The following MAGI2 variants were observed in gnomAD, a reference collection of about 807,000 sequenced individuals.
MAGI2 encodes membrane-associated guanylate kinase, WW and PDZ domain-containing protein 2.
A neutral mutation model predicts 133.3 loss-of-function variants in MAGI2; 35 were observed. The ratio of observed to expected loss-of-function variants is 0.26; its 90% CI spans 0.20 to 0.35. The LOEUF (loss-of-function observed/expected upper bound fraction) is 0.35, where lower values mean the gene tolerates loss of function less well. MAGI2 is among the 10% of genes least tolerant of loss of function. The pLI is 1.00. For synonymous variants in MAGI2, 729 were observed against 710.6 expected (o/e 1.03, Z -0.41); for missense variants, 1,636 against 1,863.4 (o/e 0.88, Z 2.25).
chr7:78,019,120 A>T lies in MAGI2; in HGVS notation c.*195T>A. On this transcript the variant is annotated 3_prime_UTR_variant, in exon 22 of 22. Transcript: ENST00000354212. ...CCACAAGGGAACCGGGGGCTTTAGG[A>T]TCAGTTTAGGTCTGCGCGTTGATGC... 1 of 532,006 alleles carries T rather than the reference A, an allele frequency of 1.9e-6. No homozygotes were observed. Among genetic ancestry groups the T allele is most frequent in the Non-Finnish European group, 3.2e-6 (1 of 316,380 alleles). 33.0% of individuals were successfully genotyped at this position (532,006 alleles called of 1,614,324 possible).
intron 2 of MAGI2, among the ~76,000 whole-genome samples, chr7:78,853,332 CTTTTTTTTTTTTTTTTTTTTT>C (rs60580466): frequency 0.01 from 259 of 25,064 alleles, 3 homozygotes; most frequent in Middle Eastern, 0.056. Flanking sequence ...TCCATTCGTT[CTTTTTTTTTTTTTTTTTTTTT>C]TTTTTTTTTT....
intron 1 of MAGI2, among the ~76,000 whole-genome samples, chr7:79,422,479 G>GA (rs1030157781): frequency 3.3e-5 from 5 of 151,694 alleles, no homozygotes; most frequent in African/African-American, 4.8e-5. Context: ...CAATATATCA[G>GA]AAAAAAATGT....
intron 1 of MAGI2, among the ~76,000 whole-genome samples, chr7:79,036,978 G>T (rs973744015): frequency 6.6e-6 from 1 of 152,146 alleles, no homozygotes; most frequent in Non-Finnish European, 1.5e-5. Context: ...TTCATGTAGG[G>T]TTTCACTGTC....
chr7:79,396,655 T>C (rs1845078458), intron 1 of MAGI2, among the ~76,000 whole-genome samples: 1 of 152,038 alleles, frequency 6.6e-6, no homozygotes, highest in African/African-American at 2.4e-5. Context: ...GTTTGCAGAG[T>C]GTGTGCTACC....
intron 9 of MAGI2, among the ~76,000 whole-genome samples, chr7:78,324,818 T>C (rs1340849993): frequency 1.2e-4 from 18 of 151,976 alleles, no homozygotes; most frequent in Non-Finnish European, 1.5e-5. Flanking sequence ...AACAAAAAAC[T>C]AGCTGGGCAT....
intron 1 of MAGI2, chr7:79,412,625 C>G (rs2129172389): frequency 6.6e-6 from 1 of 152,226 alleles, no homozygotes; most frequent in South Asian, 2.1e-4. Context: ...GAGGGCTGAT[C>G]CTGAACAAGG....
chr7:79,427,707 A>C (rs987436626), intron 1 of MAGI2, among the ~76,000 whole-genome samples: 4 of 152,180 alleles, frequency 2.6e-5, no homozygotes, highest in African/African-American at 9.7e-5. Flanking sequence ...TTATTATAGC[A>C]AATTCTTAAT....
At chr7:78,644,492 C>G (rs767554273) in intron 2 of MAGI2, among the ~76,000 whole-genome samples, 6 of 151,748 alleles carry the variant, frequency 4.0e-5, no homozygotes, top group Non-Finnish European at 5.9e-5. Context: ...ATTTAGAAAC[C>G]AATAACAGAA....
At chr7:78,524,534 G>A (rs895132708) in intron 3 of MAGI2, among the ~76,000 whole-genome samples, 7 of 152,082 alleles carry the variant, frequency 4.6e-5, no homozygotes, top group African/African-American at 1.7e-4. Flanking sequence ...AAATTAAGTT[G>A]TAAAGTGGTT....
chr7:79,449,957 T>C lies in MAGI2; in HGVS notation c.301+3063A>G, dbSNP rs370699884. 8.1e-5 allele frequency among the ~76,000 whole-genome samples: 12 copies of C among 148,662 alleles called. No homozygotes were observed. The East Asian group carries it at 2.0e-3, about 25-fold the overall frequency. ...CACCTCCTTTTAAAATTATGACAGA[T>C]GAAAATTATGATAACTGTAATGTAA... On this transcript the variant is annotated intron_variant, in intron 1 of 21. Coordinates refer to ENST00000354212, the MANE Select transcript of MAGI2 (RefSeq NM_012301.4).
chr7:78,641,173 C>T (rs564615078), intron 2 of MAGI2, among the ~76,000 whole-genome samples: 6 of 152,140 alleles, frequency 3.9e-5, no homozygotes, highest in South Asian at 2.1e-4. Flanking sequence ...GTCAATTAAA[C>T]CTCTTTTCTT....
chr7:79,120,979 A>T (rs1415946726), intron 1 of MAGI2, among the ~76,000 whole-genome samples: 1 of 152,126 alleles, frequency 6.6e-6, no homozygotes, highest in Non-Finnish European at 1.5e-5. Flanking sequence ...GGATACTGAA[A>T]TATGTTAGTT....
intron 14 of MAGI2, among the ~76,000 whole-genome samples, chr7:78,168,586 T>A (rs73148208): frequency 0.038 from 5,856 of 152,326 alleles, 162 homozygotes; most frequent in Non-Finnish European, 0.059. Flanking sequence ...ACAATTTGTG[T>A]GGTCTTGGGT....
At chr7:79,312,947 C>T (rs1838409357) in intron 1 of MAGI2, among the ~76,000 whole-genome samples, 1 of 152,102 alleles carries the variant, frequency 6.6e-6, no homozygotes, top group South Asian at 2.1e-4. Context: ...ACTATCTAGT[C>T]CTTTGTAAAT....
chr7:78,596,588 G>A (rs1380405429), intron 3 of MAGI2, among the ~76,000 whole-genome samples: 1 of 152,010 alleles, frequency 6.6e-6, no homozygotes, highest in African/African-American at 2.4e-5. Flanking sequence ...TGAAAGCTCT[G>A]TATTAATTAG....
At chr7:78,894,237 T>G (rs1020783802) in intron 2 of MAGI2, among the ~76,000 whole-genome samples, 2 of 152,078 alleles carry the variant, frequency 1.3e-5, no homozygotes, top group Non-Finnish European at 2.9e-5. Context: ...CTGTCTCCAC[T>G]AAAAATACAA....
intron 1 of MAGI2, among the ~76,000 whole-genome samples, chr7:79,024,917 A>G (rs1299208345): frequency 6.6e-6 from 1 of 152,198 alleles, no homozygotes; most frequent in East Asian, 1.9e-4. Context: ...AATATAAACT[A>G]GTTCAAATAT....
At chr7:79,324,695 A>AAT (rs1270909282) in intron 1 of MAGI2, among the ~76,000 whole-genome samples, 1 of 29,314 alleles carries the variant, frequency 3.4e-5, no homozygotes, top group African/African-American at 1.1e-4. Flanking sequence ...ATATATATAA[A>AAT]ATATATATAT....
rs1056085011 is a variant in MAGI2 at position 78,462,815 on chromosome 7, C to G, written c.1045+26946G>C. ...CATGCAGCAACGAGGAAGCAGGAAG[C>G]CTCCTGCCTTGACAAACCCGCGTGG... On this transcript the variant is annotated intron_variant, in intron 6 of 21. Coordinates refer to ENST00000354212, the MANE Select transcript of MAGI2 (RefSeq NM_012301.4). 5.3e-5 allele frequency among the ~76,000 whole-genome samples: 8 copies of G among 152,302 alleles called. No homozygotes were observed. In the East Asian group the frequency reaches 1.5e-3, roughly 29 times the overall value.
Sources: gnomAD v4.1 joint callset for allele counts (sites outside exome capture counted in the v4.1 genomes callset) on GRCh38, gnomAD v4.1.1 for gene constraint, MANE v1.5 for transcripts, NCBI Gene and HGNC (gene_info 2026-07-23, HGNC 2026-07-21) for gene names.